Variants in LYPD6B observed in about 807,000 individuals in gnomAD.
The protein encoded by LYPD6B is ly6/PLAUR domain-containing protein 6B.
In LYPD6B, 17 loss-of-function variants were observed where a neutral mutation model predicts 22.8. The ratio of observed to expected loss-of-function variants is 0.75; its 90% CI spans 0.51 to 1.12. LYPD6B has a LOEUF of 1.12. Among genes scored for constraint, LYPD6B ranks in the 50% most tolerant of loss-of-function variants. The pLI is 0.00. For missense variants in LYPD6B, 221 were observed against 258.3 expected (o/e 0.86, Z 0.99); for synonymous variants, 106 against 91.6 (o/e 1.16, Z -0.90).
intron 5 of LYPD6B, among the ~76,000 whole-genome samples, chr2:149,212,380 C>CAAAAAAAAAAAAAAAAAAA (rs386391473): frequency 3.0e-4 from 18 of 60,132 alleles, no homozygotes; most frequent in African/African-American, 1.3e-3. Flanking sequence ...GACTCCGTCT[C>CAAAAAAAAAAAAAAAAAAA]AAAAAAAAAA....
intron 2 of LYPD6B, among the ~76,000 whole-genome samples, chr2:149,156,529 G>A (rs2105858829): frequency 6.6e-6 from 1 of 152,296 alleles, no homozygotes. Flanking sequence ...AAATCAAGGT[G>A]TCAGCAAGGT....
intron 1 of LYPD6B, among the ~76,000 whole-genome samples, chr2:149,061,570 A>T (rs927383170): frequency 6.6e-6 from 1 of 152,116 alleles, no homozygotes; most frequent in East Asian, 1.9e-4. Flanking sequence ...CCCAGTTAGT[A>T]TTTATTGGTG....
chr2:149,052,056 A>G (rs569582942), intron 1 of LYPD6B, among the ~76,000 whole-genome samples: 6 of 152,080 alleles, frequency 3.9e-5, no homozygotes, highest in African/African-American at 1.2e-4. Flanking sequence ...ATACAATACT[A>G]GGATTATTAT....
intron 3 of LYPD6B, among the ~76,000 whole-genome samples, chr2:149,184,541 C>G (rs1236595807): frequency 2.0e-5 from 3 of 152,154 alleles, no homozygotes; most frequent in South Asian, 4.1e-4. Context: ...ATACCACTAC[C>G]TAGTAGGCCT....
chr2:149,055,400 C>A lies in LYPD6B; in HGVS notation c.-67+16599C>A, dbSNP rs140343161. Among the ~76,000 whole-genome samples, 14 of 152,194 alleles carry A rather than the reference C, an allele frequency of 9.2e-5. No individual in the cohort carries two copies. In the East Asian group the frequency reaches 2.7e-3, roughly 29 times the overall value. ...GGTCCCTTCCATTTCCATGGATGAG[C>A]TTGTTAATTTCTACCAAAAAGGCCA... On this transcript the variant is annotated intron_variant, in intron 1 of 6. Transcript: ENST00000409642.
At chr2:149,041,558 A>G (rs1329171685) in intron 1 of LYPD6B, among the ~76,000 whole-genome samples, 2 of 152,306 alleles carry the variant, frequency 1.3e-5, no homozygotes, top group African/African-American at 2.4e-5. Flanking sequence ...TCCATGCTCC[A>G]TGTCTGAACA....
chr2:149,095,874 GAC>G lies in LYPD6B; in HGVS notation c.-66-35007_-66-35006del, dbSNP rs1327468200. Among the ~76,000 whole-genome samples the G allele has an allele frequency of 1.6e-4, 25 of 151,978 alleles. No individual in the cohort carries two copies. The South Asian group carries it at 1.9e-3, about 11-fold the overall frequency. ...TAGACAGAGAGACCATAGGCAGACA[GAC>G]AGAGAGATGGGAGACAGAGACACAC... On this transcript the variant is annotated intron_variant, in intron 1 of 6. Transcript: ENST00000409642.
At chr2:149,177,978 T>A in intron 3 of LYPD6B, among the ~76,000 whole-genome samples, 1 of 152,214 alleles carries the variant, frequency 6.6e-6, no homozygotes. Flanking sequence ...TTTTATAATT[T>A]ACTCTGTACT....
At chr2:149,202,704 G>A (rs1466328722) in intron 3 of LYPD6B, among the ~76,000 whole-genome samples, 1 of 152,092 alleles carries the variant, frequency 6.6e-6, no homozygotes, top group Admixed American at 6.6e-5. Context: ...TTATTTATTA[G>A]GTATCAATAA....
At chr2:149,159,584 G>A (rs571059419) in intron 2 of LYPD6B, among the ~76,000 whole-genome samples, 4 of 101,950 alleles carry the variant, frequency 3.9e-5, no homozygotes, top group Non-Finnish European at 8.1e-5. Context: ...GAGAGCATAT[G>A]TGTGCGTGTG....
chr2:149,193,949 C>T (rs1412408755), intron 3 of LYPD6B, among the ~76,000 whole-genome samples: 1 of 152,134 alleles, frequency 6.6e-6, no homozygotes, highest in Non-Finnish European at 1.5e-5. Context: ...ATGTCCATAC[C>T]AACATGTGTC....
chr2:149,197,769 T>C (rs935773665), intron 3 of LYPD6B, among the ~76,000 whole-genome samples: 1 of 152,216 alleles, frequency 6.6e-6, no homozygotes, highest in Non-Finnish European at 1.5e-5. Flanking sequence ...GGGGTTAGGA[T>C]CTTTGCTATC....
intron 2 of LYPD6B, chr2:149,131,472 GAA>G (rs1688026042): frequency 6.6e-6 from 1 of 152,370 alleles, no homozygotes. Flanking sequence ...AAAAAGGAAA[GAA>G]AGAGAGAAAG....
intron 5 of LYPD6B, among the ~76,000 whole-genome samples, chr2:149,208,922 C>T (rs1693669984): frequency 6.6e-6 from 1 of 152,160 alleles, no homozygotes; most frequent in Non-Finnish European, 1.5e-5. Flanking sequence ...TCTCTGAGAA[C>T]TGTACCTTAG....
chr2:149,101,111 G>C (rs907289166), intron 1 of LYPD6B: 2 of 152,154 alleles, frequency 1.3e-5, no homozygotes, highest in Non-Finnish European at 2.9e-5. Flanking sequence ...GTGTGCCTTC[G>C]GCAAAAGAGG....
chr2:149,067,377 T>C (rs985955163), intron 1 of LYPD6B, among the ~76,000 whole-genome samples: 8 of 152,170 alleles, frequency 5.3e-5, no homozygotes, highest in African/African-American at 1.4e-4. Flanking sequence ...TAAACATCTT[T>C]TAAAAAGTTG....
At chr2:149,204,134 C>T (rs925680468) in intron 3 of LYPD6B, among the ~76,000 whole-genome samples, 1 of 152,174 alleles carries the variant, frequency 6.6e-6, no homozygotes, top group Non-Finnish European at 1.5e-5. Flanking sequence ...TTTATGTACA[C>T]AATCCTATGT....
chr2:149,115,147 C>T (rs775364445), intron 1 of LYPD6B, among the ~76,000 whole-genome samples: 1 of 152,096 alleles, frequency 6.6e-6, no homozygotes, highest in Non-Finnish European at 1.5e-5. Context: ...CCATGTTGGC[C>T]AGGCTGGTCT....
At chr2:149,182,688 C>T (rs1691824844) in intron 3 of LYPD6B, among the ~76,000 whole-genome samples, 1 of 152,178 alleles carries the variant, frequency 6.6e-6, no homozygotes, top group African/African-American at 2.4e-5. Context: ...TCACAACCAA[C>T]AAGGAGAAAG....
Sources: gnomAD v4.1 joint callset for allele counts (sites outside exome capture counted in the v4.1 genomes callset) on GRCh38, gnomAD v4.1.1 for gene constraint, MANE v1.5 for transcripts, NCBI Gene and HGNC (gene_info 2026-07-23, HGNC 2026-07-21) for gene names.